The following BDH1 variants were observed in gnomAD, a reference collection of about 807,000 sequenced individuals.
The protein encoded by BDH1 is D-beta-hydroxybutyrate dehydrogenase, mitochondrial.
A neutral mutation model predicts 33.1 loss-of-function variants in BDH1; 30 were observed. The observed-to-expected ratio is 0.91, with a 90% CI of 0.68 to 1.23. BDH1 has a LOEUF of 1.23. Ranked by LOEUF, BDH1 falls within the 50% of genes most tolerant of loss-of-function variation. BDH1 has a pLI of 0.00. For missense variants in BDH1, 443 were observed against 464.4 expected (o/e 0.95, Z 0.42); for synonymous variants, 190 against 183.6 (o/e 1.03, Z -0.28).
At chr3:197,524,397 G>A (rs1229793723) in intron 5 of BDH1, among the ~76,000 whole-genome samples, 6 of 152,218 alleles carry the variant, frequency 3.9e-5, no homozygotes, top group East Asian at 1.9e-4. Flanking sequence ...TCCTCCGCTG[G>A]TTAGGCTGAG....
intron 6 of BDH1, chr3:197,515,928 G>GCA (rs1412280950): frequency 6.5e-6 from 1 of 153,106 alleles, no homozygotes; most frequent in East Asian, 1.9e-4. Flanking sequence ...GCGCGCGCGC[G>GCA]CTCTATCCTC....
At chr3:197,541,613 C>G (rs1430314143) in intron 3 of BDH1, among the ~76,000 whole-genome samples, 1 of 151,982 alleles carries the variant, frequency 6.6e-6, no homozygotes, top group Non-Finnish European at 1.5e-5. Flanking sequence ...CAGCTTTCTA[C>G]TTTTGCGTAT....
chr3:197,514,306 G>T lies in BDH1; in HGVS notation c.520C>A (p.Arg174=). ...AGGGGGAGAAAGGATTTCGTCATCC[G>T]CACTGTGCCCCAAAGGTTCACTTCT... The part of the protein sequence containing the change: ...VAEVNLWGTV[R]MTKSFLPLIR... The change falls in exon 7 of 8, where the codon CGG becomes AGG. Residue 174 remains arginine, a synonymous_variant. Coordinates refer to ENST00000392379, the MANE Select transcript of BDH1 (RefSeq NM_203314.3). The surrounding 1 kb of genome is among the most constrained non-coding windows in gnomAD (Gnocchi z 4.2). The T allele has an allele frequency of 6.2e-7, 1 of 1,613,768 alleles. No individual in the cohort carries two copies. The highest frequency in any genetic ancestry group is 8.5e-7 in the Non-Finnish European group (1 of 1,179,822).
rs563890412 is a variant in BDH1, at chr3:197,528,346, G to A, written c.267+4066C>T. 6.6e-6 allele frequency: 1 copy of A among 152,198 alleles called. No homozygotes were observed. Among genetic ancestry groups the A allele is most frequent in the Non-Finnish European group, 1.5e-5 (1 of 68,168 alleles). The allele number at this position is 152,198 out of a possible 1,614,324, so 9.4% of individuals were successfully genotyped here. On this transcript the variant is annotated intron_variant, in intron 5 of 7. Coordinates refer to ENST00000392379, the MANE Select transcript of BDH1 (RefSeq NM_203314.3). The surrounding 1 kb of genome is among the most constrained non-coding windows in gnomAD (Gnocchi z 5.1). ...TGTGTGTGTGTGCATGTGCTGAAAT[G>A]ACCCAGGAGAGAGCGTGGAGCCAGT... is the stretch of plus-strand genomic sequence containing the variant.
In BDH1 at chr3:197,554,968, G is replaced by C. The variant is rs1022672228; in HGVS notation, c.-195-255C>G. ...AGCGCTCCCCAACGGCCGGCCGGAG[G>C]GCGGGGAGAGAGGGGGGCTCGGCCA... On this transcript the variant is annotated intron_variant, in intron 1 of 7. Transcript: ENST00000392379. The surrounding 1 kb of genome is among the most constrained non-coding windows in gnomAD (Gnocchi z 4.4). 1.2e-4 allele frequency among the ~76,000 whole-genome samples: 19 copies of C among 152,268 alleles called. No individual in the cohort carries two copies. Among genetic ancestry groups the C allele is most frequent in the Non-Finnish European group, 2.1e-4 (14 of 68,048 alleles).
chr3:197,567,929 G>A (rs1333040462), intron 1 of BDH1, among the ~76,000 whole-genome samples: 1 of 152,130 alleles, frequency 6.6e-6, no homozygotes, highest in African/African-American at 2.4e-5. Flanking sequence ...CCCTAAAAGA[G>A]GCCCCTGACC....
At chr3:197,544,041 G>C (rs1288191618) in intron 3 of BDH1, among the ~76,000 whole-genome samples, 1 of 152,164 alleles carries the variant, frequency 6.6e-6, no homozygotes, top group African/African-American at 2.4e-5. Flanking sequence ...ACTTGGTAAG[G>C]ATGCTATCAG....
chr3:197,527,613 C>A (rs1714225707), intron 5 of BDH1, among the ~76,000 whole-genome samples: 1 of 152,110 alleles, frequency 6.6e-6, no homozygotes, highest in Non-Finnish European at 1.5e-5. Context: ...TGCTCCCGTG[C>A]CCCTCACTTC....
chr3:197,532,074 T>G (rs2108741477), intron 5 of BDH1, among the ~76,000 whole-genome samples: 1 of 152,334 alleles, frequency 6.6e-6, no homozygotes, highest in African/African-American at 2.4e-5. Flanking sequence ...TCACTCGAAT[T>G]CTTCAGCTGT....
At chr3:197,568,538 T>C (rs1229645258) in intron 1 of BDH1, among the ~76,000 whole-genome samples, 2 of 152,062 alleles carry the variant, frequency 1.3e-5, no homozygotes, top group Non-Finnish European at 1.5e-5. Context: ...TTCCTTGCAG[T>C]GAATGAGCAA....
chr3:197,543,147 CCA>C, intron 3 of BDH1: 1 of 985,400 alleles, frequency 1.0e-6, no homozygotes, highest in East Asian at 1.1e-4. Flanking sequence ...CTGAGAGGAG[CCA>C]TGAGTCCATT....
At chr3:197,553,957 G>A (rs1716781462) in intron 2 of BDH1, among the ~76,000 whole-genome samples, 1 of 152,174 alleles carries the variant, frequency 6.6e-6, no homozygotes, top group African/African-American at 2.4e-5. Context: ...CTATTCACAA[G>A]TGCTTACTGC....
chr3:197,533,022 C>A (rs555288934), intron 4 of BDH1, among the ~76,000 whole-genome samples: 4 of 152,192 alleles, frequency 2.6e-5, no homozygotes, highest in Non-Finnish European at 5.9e-5. Context: ...GGATTACAGG[C>A]ATGCACCTCC....
In BDH1 at chr3:197,525,033, C is replaced by T. The variant is rs991879617; in HGVS notation, c.268-2252G>A. On this transcript the variant is annotated intron_variant, in intron 5 of 7. Coordinates refer to ENST00000392379, the MANE Select transcript of BDH1 (RefSeq NM_203314.3). This position sits in a 1 kb window ranked among gnomAD's most constrained non-coding sequence, Gnocchi z 4.9. Reference sequence around the variant, plus strand: ...GTTTGGCTCTGAAATCCCCTAGGTGCGCCGACCTTCCCAAACAAGACGCAG... The same window carrying T: ...GTTTGGCTCTGAAATCCCCTAGGTGTGCCGACCTTCCCAAACAAGACGCAG... Among the ~76,000 whole-genome samples, 5 of 152,150 alleles carry T rather than the reference C, an allele frequency of 3.3e-5. No homozygotes were observed. Among genetic ancestry groups the T allele is most frequent in the Admixed American group, 6.5e-5 (1 of 15,286 alleles).
In BDH1 at chr3:197,521,139, C is replaced by T. The variant is rs1185434242; in HGVS notation, c.409+1501G>A. Reference sequence around the variant, plus strand: ...CCACTGAAGTAGCTGCTCCTGAGAGCTGCCCCACCCCATTCTGAGGGAAAG... The same window carrying T: ...CCACTGAAGTAGCTGCTCCTGAGAGTTGCCCCACCCCATTCTGAGGGAAAG... On this transcript the variant is annotated intron_variant, in intron 6 of 7. Transcript: ENST00000392379. The surrounding 1 kb of genome is among the most constrained non-coding windows in gnomAD (Gnocchi z 4.9). Among the ~76,000 whole-genome samples the T allele has an allele frequency of 6.6e-6, 1 of 152,196 alleles. No homozygotes were observed. The highest frequency in any genetic ancestry group is 1.5e-5 in the Non-Finnish European group (1 of 68,038).
chr3:197,557,178 AT>A (rs933995431), upstream of BDH1, among the ~76,000 whole-genome samples: 3 of 152,172 alleles, frequency 2.0e-5, no homozygotes, highest in African/African-American at 7.2e-5. The surrounding 1 kb of genome is among the most constrained non-coding windows in gnomAD (Gnocchi z 4.6). Context: ...ATGTTGATTG[AT>A]GTCTCATGTC....
chr3:197,512,369 A>T lies in BDH1; in HGVS notation c.563-5T>A. The T allele has an allele frequency of 6.3e-7, 1 of 1,595,032 alleles. No individual in the cohort carries two copies. The highest frequency in any genetic ancestry group is 2.2e-5 in the East Asian group (1 of 44,748). ...TGCTGATATTGACGACGCGGCCTAC[A>T]GAGGGAGACAGAGGTACCTGCTAAG... On this transcript the variant is annotated splice_region_variant and splice_polypyrimidine_tract_variant and intron_variant, in intron 7 of 7. Coordinates refer to ENST00000392379, the MANE Select transcript of BDH1 (RefSeq NM_203314.3).
intron 3 of BDH1, among the ~76,000 whole-genome samples, chr3:197,535,236 C>G (rs536569621): frequency 4.6e-5 from 7 of 152,310 alleles, no homozygotes; most frequent in African/African-American, 1.7e-4. Context: ...CTCTTCATGT[C>G]TTTTGCCCAT....
At chr3:197,527,251 C>T (rs575181461) in intron 5 of BDH1, among the ~76,000 whole-genome samples, 3 of 152,258 alleles carry the variant, frequency 2.0e-5, no homozygotes, top group African/African-American at 2.4e-5. Flanking sequence ...GGGGAAGAAC[C>T]CTGAGAGCAT....
Sources: gnomAD v4.1 joint callset for allele counts (sites outside exome capture counted in the v4.1 genomes callset) on GRCh38, gnomAD v4.1.1 for gene constraint, Gnocchi (gnomAD v3.1) non-coding constraint, MANE v1.5 for transcripts, NCBI Gene and HGNC (gene_info 2026-07-23, HGNC 2026-07-21) for gene names.